The following ADAMTSL2 variants were observed in gnomAD, a reference collection of about 807,000 sequenced individuals.
The protein encoded by ADAMTSL2 is ADAMTS like 2, also known as ADAMTS-like protein 2.
Under a neutral mutation model 117.0 loss-of-function variants are expected in ADAMTSL2, and 55 were observed. The observed-to-expected ratio is 0.47, with a 90% CI of 0.38 to 0.59. The LOEUF (loss-of-function observed/expected upper bound fraction) is 0.59. Ranked by LOEUF, ADAMTSL2 falls within the 20% of genes least tolerant of loss-of-function variation. The pLI is 0.00. For missense variants in ADAMTSL2, 1,182 were observed against 1,354.5 expected, an observed-to-expected ratio of 0.87 and a Z score of 2.00; for synonymous variants, 572 against 566.4, an observed-to-expected ratio of 1.01 and a Z score of -0.14.
At chr9:133,561,950 G>A (rs1462847613) in intron 12 of ADAMTSL2, among the ~76,000 whole-genome samples, 2 of 152,232 alleles carry the variant, frequency 1.3e-5, no homozygotes, top group Non-Finnish European at 2.9e-5. Flanking sequence ...GAGGTCTGAT[G>A]TCAAACCCAG....
In ADAMTSL2 at chr9:133,555,808, G is replaced by T; in HGVS notation, c.1527G>T (p.Leu509=). The T allele has an allele frequency of 6.2e-7, 1 of 1,613,878 alleles. No homozygotes were observed. The highest frequency in any genetic ancestry group is 1.3e-5 in the African/African-American group (1 of 75,072). Residue 509 remains leucine (L), a synonymous_variant, in exon 11 of 19, where the codon CTG becomes CTT. Coordinates refer to ENST00000651351, the MANE Select transcript of ADAMTSL2 (RefSeq NM_014694.4). ...AGAACGAGGGGGCTGGCCCTTACCT[G>T]CTCAACGGGTCCTACCTGGAGCTGA... The part of the protein sequence containing the change: ...YEENEGAGPY[L]LNGSYLELSS...
chr9:133,575,429 C>T lies in ADAMTSL2; in HGVS notation c.*565C>T, dbSNP rs962603210. On this transcript the variant is annotated 3_prime_UTR_variant, in exon 19 of 19. Transcript: ENST00000651351. Reference sequence around the variant, plus strand: ...TACCCCGGGCAGAGGCGCTTGCCCACGGGACGTTTGGGGATGGACCTCGGC... The same window carrying T: ...TACCCCGGGCAGAGGCGCTTGCCCATGGGACGTTTGGGGATGGACCTCGGC... 3.8e-5 allele frequency: 6 copies of T among 159,646 alleles called. No individual in the cohort carries two copies. Among genetic ancestry groups the T allele is most frequent in the South Asian group, 1.8e-4 (1 of 5,546 alleles). The allele number at this position is 159,646 out of a possible 1,614,324, so 9.9% of individuals were successfully genotyped here.
rs1466682059 is a variant in ADAMTSL2 at position 133,557,063 on chromosome 9, G to A, written c.1649+1133G>A. On this transcript the variant is annotated intron_variant, in intron 11 of 18. Transcript: ENST00000651351. This position sits in a 1 kb window ranked among gnomAD's most constrained non-coding sequence, Gnocchi z 5.2. ...TTAGACGCAAGCATGAACTGAACCCGGCCTGGGCTGGGAGTGCTGAGTGGG... is the reference window on the plus strand; with the variant it reads ...TTAGACGCAAGCATGAACTGAACCCAGCCTGGGCTGGGAGTGCTGAGTGGG... Among the ~76,000 whole-genome samples, 6 of 152,158 alleles carry A rather than the reference G, an allele frequency of 3.9e-5. No homozygotes were observed. The highest frequency in any genetic ancestry group is 1.3e-4 in the Admixed American group (2 of 15,276).
In ADAMTSL2 at chr9:133,573,903, G is replaced by A. The variant is rs561084765; in HGVS notation, c.2653G>A (p.Asp885Asn). The A allele has an allele frequency of 1.2e-5, 19 of 1,614,126 alleles. No homozygotes were observed. Among genetic ancestry groups the A allele is most frequent in the South Asian group, 1.1e-4 (10 of 91,082 alleles). Residue 885 changes from aspartate (D) to asparagine (N), a missense_variant, in exon 18 of 19, where the codon GAC becomes AAC. Physicochemically the swap from Asp to Asn is conservative, Grantham distance 23. Coordinates refer to ENST00000651351, the MANE Select transcript of ADAMTSL2 (RefSeq NM_014694.4). ...AGACGTCAAGTGCTACCAGGGGACC[G>A]ACATCGTCCGTGGTTGCGATCCGTT... Reference protein sequence around the residue: ...MRDVKCYQGTDIVRGCDPLVK... With the variant: ...MRDVKCYQGTNIVRGCDPLVK...
chr9:133,555,546 T>TCTC lies in ADAMTSL2; in HGVS notation c.1277-8_1277-6dup. Reference sequence around the variant, plus strand: ...GATGTGCCCACGGTTGAGCCACCTGTCTCCTCTCCAGACCGCAACGTCACG... The same window carrying TCTC: ...GATGTGCCCACGGTTGAGCCACCTGTCTCCTCCTCTCCAGACCGCAACGTCACG... On this transcript the variant is annotated splice_polypyrimidine_tract_variant and intron_variant, in intron 10 of 18. Transcript: ENST00000651351. 6.2e-7 allele frequency: 1 copy of TCTC among 1,612,862 alleles called. No individual in the cohort carries two copies. The highest frequency in any genetic ancestry group is 8.5e-7 in the Non-Finnish European group (1 of 1,180,010).
chr9:133,540,599 T>C lies in ADAMTSL2; in HGVS notation c.414T>C (p.Asp138=). The change falls in exon 6 of 19, where the codon GAT becomes GAC. Residue 138 remains aspartate (D), a splice_region_variant and synonymous_variant. Transcript: ENST00000651351. ...TCTGTCTTTGTCTCCCTCCACCAGA[T>C]GACTATGTCCACATCTCCAGCAAAC... ...RTHQWKPLYP[D]DYVHISSKPC... is the part of the protein sequence containing the mutation. The C allele has an allele frequency of 1.9e-6, 3 of 1,613,454 alleles. No individual in the cohort carries two copies. Among genetic ancestry groups the C allele is most frequent in the East Asian group, 2.2e-5 (1 of 44,888 alleles).
chr9:133,557,203 C>T lies in ADAMTSL2; in HGVS notation c.1649+1273C>T, dbSNP rs1830621685. On this transcript the variant is annotated intron_variant, in intron 11 of 18. Transcript: ENST00000651351. This position sits in a 1 kb window ranked among gnomAD's most constrained non-coding sequence, Gnocchi z 5.2. ...CAGCCCTGGGACCAGAGCAACAAAG[C>T]CAACCTCCCTGGTGAGCCAGGAGCC... Among the ~76,000 whole-genome samples, 2 of 152,192 alleles carry T rather than the reference C, an allele frequency of 1.3e-5. No individual in the cohort carries two copies. Among genetic ancestry groups the T allele is most frequent in the South Asian group, 2.1e-4 (1 of 4,830 alleles).
At chr9:133,561,619 A>G (rs1275000274) in intron 12 of ADAMTSL2, among the ~76,000 whole-genome samples, 2 of 152,212 alleles carry the variant, frequency 1.3e-5, no homozygotes, top group Non-Finnish European at 2.9e-5. Context: ...GGTTAAAAGT[A>G]AGAAATCTTA....
At chr9:133,541,081 C>T (rs1830212392) in intron 7 of ADAMTSL2, 80 bp downstream of exon 7, 3 of 1,549,074 alleles carry the variant, frequency 1.9e-6, no homozygotes, top group Non-Finnish European at 2.6e-6. Flanking sequence ...TGTCTGCAGC[C>T]TCCTGTGTAC....
chr9:133,549,394 C>T (rs1830430815), intron 9 of ADAMTSL2, among the ~76,000 whole-genome samples: 1 of 152,140 alleles, frequency 6.6e-6, no homozygotes, highest in African/African-American at 2.4e-5. Flanking sequence ...TGAGGTGACC[C>T]TGGTCTCCAT....
intron 12 of ADAMTSL2, among the ~76,000 whole-genome samples, chr9:133,561,506 G>A (rs112752498): frequency 0.072 from 10,656 of 148,714 alleles, 505 homozygotes; most frequent in Non-Finnish European, 0.12. Context: ...GCTAGACCAT[G>A]GTCAGGTCCA....
chr9:133,533,295 C>T (rs1231214280), upstream of ADAMTSL2, among the ~76,000 whole-genome samples: 3 of 152,014 alleles, frequency 2.0e-5, no homozygotes, highest in South Asian at 2.1e-4. Flanking sequence ...GGTTCCACAC[C>T]GCAGGTGGCC....
rs7465912 is a variant in ADAMTSL2, at chr9:133,557,954, C to T, written c.1649+2024C>T. On this transcript the variant is annotated intron_variant, in intron 11 of 18. Coordinates refer to ENST00000651351, the MANE Select transcript of ADAMTSL2 (RefSeq NM_014694.4). This position sits in a 1 kb window ranked among gnomAD's most constrained non-coding sequence, Gnocchi z 5.2. ...TGGGCCTCAGTTTCCCCATCTCTCA[C>T]TGGGGGGCTTGTCAGGGGCTGCCCT... is the stretch of plus-strand genomic sequence containing the variant. 0.2 allele frequency among the ~76,000 whole-genome samples: 30,078 copies of T among 152,150 alleles called. 3,291 individuals carry two copies. The highest frequency in any genetic ancestry group is 0.28 in the African/African-American group (11,471 of 41,496).
chr9:133,570,536 T>TGCCTGAGGCC, intron 17 of ADAMTSL2, 29 bp downstream of exon 17: 4 of 1,599,648 alleles, frequency 2.5e-6, no homozygotes, highest in Non-Finnish European at 3.4e-6. Flanking sequence ...CCTCTGAGGT[T>TGCCTGAGGCC]GCCTGAGGCC....
rs71505204 is a variant in ADAMTSL2 at position 133,538,993 on chromosome 9, C to T, written c.309+569C>T. Among the ~76,000 whole-genome samples, 1,205 of 152,296 alleles carry T rather than the reference C, an allele frequency of 7.9e-3. 8 individuals carry two copies. Among genetic ancestry groups the T allele is most frequent in the Non-Finnish European group, 0.013 (852 of 68,032 alleles). ...GACTGCAGGGCGTGAGGCTGGGGCA[C>T]GCCGAGCTGGGATCTGGGCCTCCCA... is the stretch of plus-strand genomic sequence containing the variant. On this transcript the variant is annotated intron_variant, in intron 4 of 18. Coordinates refer to ENST00000651351, the MANE Select transcript of ADAMTSL2 (RefSeq NM_014694.4).
chr9:133,558,434 A>G lies in ADAMTSL2; in HGVS notation c.1649+2504A>G, dbSNP rs1830655799. ...AAAGGCTATTTTCATCTTTCCAGAA[A>G]AGCTTCAAACAATCAAGGGAGGGGC... On this transcript the variant is annotated intron_variant, in intron 11 of 18. Transcript: ENST00000651351. This position sits in a 1 kb window ranked among gnomAD's most constrained non-coding sequence, Gnocchi z 4.3. 6.6e-6 allele frequency among the ~76,000 whole-genome samples: 1 copy of G among 152,180 alleles called. No individual in the cohort carries two copies. The highest frequency in any genetic ancestry group is 2.4e-5 in the African/African-American group (1 of 41,434).
At position 133,574,887 on chromosome 9, in the gene ADAMTSL2, C is replaced by A; in HGVS notation, c.*23C>A. ...TAGGCCCGGCAGCTGCAGCCCCTTC[C>A]AGATGAAGACCAAGCGCCCCTCCTG... On this transcript the variant is annotated 3_prime_UTR_variant, in exon 19 of 19. Transcript: ENST00000651351. The A allele has an allele frequency of 1.3e-6, 2 of 1,584,666 alleles. No individual in the cohort carries two copies. Among genetic ancestry groups the A allele is most frequent in the East Asian group, 4.5e-5 (2 of 44,382 alleles).
rs1248411920 is a variant in ADAMTSL2 at position 133,538,536 on chromosome 9, G to C, written c.309+112G>C. The C allele has an allele frequency of 2.4e-6, 3 of 1,254,948 alleles. No individual in the cohort carries two copies. In the East Asian group the frequency reaches 7.2e-5, roughly 30 times the overall value. 77.7% of individuals were successfully genotyped at this position (1,254,948 alleles called of 1,614,324 possible). Reference sequence around the variant, plus strand: ...CATTCTGGGCATTCTGTTGTGGGCTGCTCTTCAAGGAGAGCCCAGGAGCAG... The same window carrying C: ...CATTCTGGGCATTCTGTTGTGGGCTCCTCTTCAAGGAGAGCCCAGGAGCAG... On this transcript the variant is annotated intron_variant, in intron 4 of 18. Transcript: ENST00000651351.
At chr9:133,571,784 A>C (rs1167533951) in intron 17 of ADAMTSL2, among the ~76,000 whole-genome samples, 1 of 152,126 alleles carries the variant, frequency 6.6e-6, no homozygotes, top group African/African-American at 2.4e-5. Context: ...GGTATCTGGG[A>C]ATCACTGGGC....
Sources: allele counts gnomAD v4.1 joint callset (sites outside exome capture counted in the v4.1 genomes callset), GRCh38; gene constraint gnomAD v4.1.1; non-coding constraint Gnocchi (gnomAD v3.1); transcripts MANE v1.5; gene names NCBI Gene and HGNC (gene_info 2026-07-23, HGNC 2026-07-21).